ARHGAP26: variants seen among roughly 807,000 people sequenced by gnomAD.
The protein encoded by ARHGAP26 is rho GTPase-activating protein 26.
A neutral mutation model predicts 104.8 loss-of-function variants in ARHGAP26; 38 were observed. The ratio of observed to expected loss-of-function variants is 0.36; its 90% CI spans 0.28 to 0.48. The LOEUF (loss-of-function observed/expected upper bound fraction) is 0.48, where lower values mean the gene tolerates loss of function less well. Ranked by LOEUF, ARHGAP26 falls within the 20% of genes least tolerant of loss-of-function variation. ARHGAP26 has a pLI of 0.99. For missense variants in ARHGAP26, 704 were observed against 947.9 expected (o/e 0.74, Z 3.38); for synonymous variants, 341 against 340.0 (o/e 1.00, Z -0.03).
At chr5:143,070,842 G>A (rs576466559) in intron 17 of ARHGAP26, among the ~76,000 whole-genome samples, 30 of 152,224 alleles carry the variant, frequency 2.0e-4, no homozygotes, top group African/African-American at 9.6e-5. Flanking sequence ...AACTGGGGAC[G>A]CGGAGGTTGC....
chr5:143,186,571 C>T (rs1301339758), intron 20 of ARHGAP26, among the ~76,000 whole-genome samples: 1 of 152,222 alleles, frequency 6.6e-6, no homozygotes, highest in African/African-American at 2.4e-5. Flanking sequence ...CTCCTGTTTT[C>T]CTGCCCTGAA....
At chr5:142,806,473 ATGTGTGTGTGTG>A (rs34179083) in intron 1 of ARHGAP26, among the ~76,000 whole-genome samples, 4 of 147,670 alleles carry the variant, frequency 2.7e-5, no homozygotes, top group South Asian at 2.2e-4. Flanking sequence ...AGGCAATGAA[ATGTGTGTGTGTG>A]TGTGTGTGTG....
intron 1 of ARHGAP26, among the ~76,000 whole-genome samples, chr5:142,777,165 C>T (rs777435428): frequency 2.0e-5 from 3 of 152,106 alleles, no homozygotes; most frequent in Non-Finnish European, 4.4e-5. Flanking sequence ...CTCCATTTGC[C>T]CTCTTTTGGG....
chr5:143,215,076 C>T (rs1033642699), intron 22 of ARHGAP26, among the ~76,000 whole-genome samples: 1 of 152,230 alleles, frequency 6.6e-6, no homozygotes, highest in Non-Finnish European at 1.5e-5. Context: ...GTGTCCCCCA[C>T]ACAGGCCCAG....
At chr5:143,180,551 T>G (rs1439958014) in intron 20 of ARHGAP26, among the ~76,000 whole-genome samples, 1 of 152,206 alleles carries the variant, frequency 6.6e-6, no homozygotes, top group Non-Finnish European at 1.5e-5. Flanking sequence ...GAAAGAGGTT[T>G]AATTGACTTA....
rs537851251 is a variant in ARHGAP26, at chr5:142,773,027, A to G, written c.154+2112A>G. ...GGGATCTCGGTGTTCTGTTCTCTCT[A>G]CGTCCAGCTCTGCTAATGTATTCTA... On this transcript the variant is annotated intron_variant, in intron 1 of 22. Transcript: ENST00000645722. Among the ~76,000 whole-genome samples the G allele has an allele frequency of 9.5e-4, 144 of 151,910 alleles. 1 individual carries two copies. The highest frequency in any genetic ancestry group is 3.4e-3 in the Middle Eastern group (1 of 294).
chr5:143,013,578 T>C (rs578116542), intron 11 of ARHGAP26, among the ~76,000 whole-genome samples: 1 of 152,324 alleles, frequency 6.6e-6, no homozygotes, highest in African/African-American at 2.4e-5. Flanking sequence ...CAGTTTTTGA[T>C]GTAAAGGTCC....
chr5:143,051,243 G>C (rs1179423516), intron 14 of ARHGAP26, among the ~76,000 whole-genome samples: 1 of 152,164 alleles, frequency 6.6e-6, no homozygotes, highest in Non-Finnish European at 1.5e-5. Flanking sequence ...TAGACTAGAT[G>C]GCCCTTGGGA....
At chr5:143,017,012 T>C (rs1445814310) in intron 12 of ARHGAP26, among the ~76,000 whole-genome samples, 1 of 152,244 alleles carries the variant, frequency 6.6e-6, no homozygotes, top group Admixed American at 6.5e-5. Context: ...ACACTCCTTC[T>C]GTTTATGACA....
At chr5:142,921,849 GA>G (rs1272723712) in intron 10 of ARHGAP26, 1 of 152,180 alleles carries the variant, frequency 6.6e-6, no homozygotes, top group African/African-American at 2.4e-5. Flanking sequence ...TCCTATGTCT[GA>G]AAACATGGCT....
At chr5:143,057,964 A>C in intron 17 of ARHGAP26, 1 of 677,914 alleles carries the variant, frequency 1.5e-6, no homozygotes, top group South Asian at 1.5e-5. Context: ...GTGCTCATGC[A>C]ACCAGGCCAC....
rs1757386235 is a variant in ARHGAP26 at position 142,781,026 on chromosome 5, A to G, written c.154+10111A>G. 2.6e-5 allele frequency among the ~76,000 whole-genome samples: 4 copies of G among 152,264 alleles called. No individual in the cohort carries two copies. In the South Asian group the frequency reaches 8.3e-4, roughly 31 times the overall value. ...AGGCTACATTGGCCAGGTTCCTGGC[A>G]TGAAGCAGGCACAGTCCTTGTCTCC... On this transcript the variant is annotated intron_variant, in intron 1 of 22. Transcript: ENST00000645722.
intron 8 of ARHGAP26, among the ~76,000 whole-genome samples, chr5:142,904,133 C>T (rs948961825): frequency 5.3e-5 from 8 of 152,028 alleles, no homozygotes; most frequent in Non-Finnish European, 1.2e-4. Context: ...TTCCTCTTCT[C>T]CTCAACTCAT....
At chr5:143,150,089 T>C (rs961521924) in intron 20 of ARHGAP26, among the ~76,000 whole-genome samples, 8 of 152,338 alleles carry the variant, frequency 5.3e-5, no homozygotes, top group African/African-American at 1.9e-4. Flanking sequence ...GAGGCCATCA[T>C]TCTACCTGTG....
intron 1 of ARHGAP26, among the ~76,000 whole-genome samples, chr5:142,860,859 GT>G (rs1341932219): frequency 1.4e-4 from 21 of 152,162 alleles, no homozygotes; most frequent in African/African-American, 4.8e-4. Flanking sequence ...AGTATTAGAT[GT>G]TCTGAAGGGT....
At chr5:143,125,377 C>G (rs898771619) in intron 18 of ARHGAP26, among the ~76,000 whole-genome samples, 13 of 152,194 alleles carry the variant, frequency 8.5e-5, no homozygotes, top group African/African-American at 2.2e-4. Flanking sequence ...CCCTCTCCCC[C>G]CAACCCAGAG....
chr5:143,141,554 A>T (rs1798542146), intron 19 of ARHGAP26, among the ~76,000 whole-genome samples: 1 of 152,230 alleles, frequency 6.6e-6, no homozygotes, highest in Middle Eastern at 3.2e-3. Context: ...ATTAAAAACA[A>T]AACTCCCTAA....
chr5:143,078,842 G>A (rs1233999265), intron 17 of ARHGAP26, among the ~76,000 whole-genome samples: 1 of 152,180 alleles, frequency 6.6e-6, no homozygotes, highest in Non-Finnish European at 1.5e-5. Flanking sequence ...AGCTCTTTGG[G>A]TTCTTAAATA....
At chr5:143,077,684 T>TCTTTGTCAGCGC (rs1246103248) in intron 17 of ARHGAP26, among the ~76,000 whole-genome samples, 1 of 152,234 alleles carries the variant, frequency 6.6e-6, no homozygotes, top group African/African-American at 2.4e-5. Context: ...GCTGCCAGCG[T>TCTTTGTCAGCGC]CTTTGTGGAA....
Sources: gnomAD v4.1 joint callset for allele counts (sites outside exome capture counted in the v4.1 genomes callset) on GRCh38, gnomAD v4.1.1 for gene constraint, MANE v1.5 for transcripts, NCBI Gene and HGNC (gene_info 2026-07-23, HGNC 2026-07-21) for gene names.